RELN: variants seen among roughly 807,000 people sequenced by gnomAD.
RELN encodes reelin.
A neutral mutation model predicts 427.6 loss-of-function variants in RELN; 108 were observed. The observed-to-expected ratio is 0.25, with a 90% CI of 0.22 to 0.30. The LOEUF is 0.30. Among genes scored for constraint, RELN ranks in the 10% least tolerant of loss-of-function variants. RELN has a pLI of 1.00. For synonymous variants in RELN, 1,524 were observed against 1,513.4 expected (o/e 1.01, Z -0.16); for missense variants, 3,715 against 4,302.8 (o/e 0.86, Z 3.82).
intron 20 of RELN, among the ~76,000 whole-genome samples, chr7:103,612,665 G>A (rs777304168): frequency 3.4e-4 from 51 of 152,166 alleles, no homozygotes; most frequent in African/African-American, 1.2e-3. Context: ...GGAAATTTGC[G>A]ATTTACAATT....
At chr7:103,729,543 A>G (rs2115942643) in intron 6 of RELN, among the ~76,000 whole-genome samples, 2 of 152,314 alleles carry the variant, frequency 1.3e-5, no homozygotes, top group South Asian at 4.1e-4. Flanking sequence ...AATAAATTTG[A>G]TACAGAATTT....
intron 2 of RELN, among the ~76,000 whole-genome samples, chr7:103,849,830 A>G (rs914048984): frequency 1.3e-5 from 2 of 152,168 alleles, no homozygotes; most frequent in Non-Finnish European, 2.9e-5. Flanking sequence ...AGCCTAAAAT[A>G]TTTACTATCT....
At chr7:103,619,086 G>T (rs962527641) in intron 20 of RELN, among the ~76,000 whole-genome samples, 3 of 151,656 alleles carry the variant, frequency 2.0e-5, no homozygotes, top group Non-Finnish European at 4.4e-5. Context: ...TCCAGCCTGG[G>T]CGACAGAGTG....
At chr7:103,617,751 A>G (rs1832116992) in intron 20 of RELN, among the ~76,000 whole-genome samples, 1 of 151,962 alleles carries the variant, frequency 6.6e-6, no homozygotes, top group Non-Finnish European at 1.5e-5. Flanking sequence ...TCATTTTGAA[A>G]TTTGTTCCCT....
rs959121050 is a variant in RELN, at chr7:103,785,133, A to C, written c.474-8506T>G. On this transcript the variant is annotated intron_variant, in intron 3 of 64. Coordinates refer to ENST00000428762, the MANE Select transcript of RELN (RefSeq NM_005045.4). ...ATTATTACAATACGTTTCATCATTT[A>C]ACATCTTCCAGAGTATCCTTAAACT... is the stretch of plus-strand genomic sequence containing the variant. Among the ~76,000 whole-genome samples, 6 of 152,298 alleles carry C rather than the reference A, an allele frequency of 3.9e-5. No homozygotes were observed. In the East Asian group the frequency reaches 1.2e-3, roughly 29 times the overall value.
chr7:103,493,676 A>G (rs1047400972), intron 57 of RELN, among the ~76,000 whole-genome samples: 14 of 152,184 alleles, frequency 9.2e-5, no homozygotes, highest in African/African-American at 3.1e-4. Flanking sequence ...GAGAAAAGCC[A>G]TAAGAAGATA....
intron 60 of RELN, 80 bp from the exon 61 acceptor site, chr7:103,486,496 G>C: frequency 6.4e-6 from 7 of 1,090,440 alleles, no homozygotes; most frequent in Non-Finnish European, 9.7e-6. Flanking sequence ...TTCAAGTTCA[G>C]GTTTAAGTAG....
At chr7:103,531,520 A>T (rs1382389466) in intron 46 of RELN, among the ~76,000 whole-genome samples, 2 of 152,154 alleles carry the variant, frequency 1.3e-5, no homozygotes, top group African/African-American at 2.4e-5. Context: ...GCATCCGTTC[A>T]GTTTTGCAAC....
intron 3 of RELN, among the ~76,000 whole-genome samples, chr7:103,789,286 A>G (rs1393020846): frequency 6.6e-6 from 1 of 152,174 alleles, no homozygotes; most frequent in Non-Finnish European, 1.5e-5. Context: ...ATGGGCAAAG[A>G]CTTCATGACT....
chr7:103,590,949 T>C (rs1025312649), intron 27 of RELN, among the ~76,000 whole-genome samples: 2 of 152,174 alleles, frequency 1.3e-5, no homozygotes, highest in Non-Finnish European at 2.9e-5. Flanking sequence ...CCAGATAAAT[T>C]CCTGAGAGTA....
intron 37 of RELN, 99 bp downstream of exon 37, chr7:103,557,866 A>G (rs1830559142): frequency 1.4e-6 from 1 of 697,726 alleles, no homozygotes; most frequent in African/African-American, 1.8e-5. Context: ...GCCCTTCCAT[A>G]CAACAAAACT....
chr7:103,770,058 G>C (rs1482774932), intron 4 of RELN, among the ~76,000 whole-genome samples: 1 of 149,908 alleles, frequency 6.7e-6, no homozygotes, highest in Non-Finnish European at 1.5e-5. Context: ...ACCAAATACA[G>C]CACAAATCTT....
intron 1 of RELN, among the ~76,000 whole-genome samples, chr7:103,982,388 C>T (rs1797008787): frequency 6.6e-6 from 1 of 151,948 alleles, no homozygotes; most frequent in Non-Finnish European, 1.5e-5. Flanking sequence ...GAGCTTGATA[C>T]AAGAATTATG....
intron 63 of RELN, 127 bp downstream of exon 63, chr7:103,482,746 A>G (rs1238260885): frequency 6.5e-7 from 1 of 1,548,940 alleles, no homozygotes; most frequent in South Asian, 1.2e-5. Flanking sequence ...AAAAGAGTGT[A>G]AGCCAAAGTG....
In RELN at chr7:103,953,805, G is replaced by A. The variant is rs1027134005; in HGVS notation, c.226+35326C>T. Among the ~76,000 whole-genome samples the A allele has an allele frequency of 2.0e-5, 3 of 151,800 alleles. No homozygotes were observed. Among genetic ancestry groups the A allele is most frequent in the Admixed American group, 6.6e-5 (1 of 15,212 alleles). On this transcript the variant is annotated intron_variant, in intron 1 of 64. Coordinates refer to ENST00000428762, the MANE Select transcript of RELN (RefSeq NM_005045.4). The surrounding 1 kb of genome is among the most constrained non-coding windows in gnomAD (Gnocchi z 4.3). ...AAATTATCCAGGTGTGGTGGCACACGCCTATAATCCCAACTACTCGGGAGA... is the reference window on the plus strand; with the variant it reads ...AAATTATCCAGGTGTGGTGGCACACACCTATAATCCCAACTACTCGGGAGA...
At chr7:103,692,282 G>C (rs990988152) in intron 10 of RELN, among the ~76,000 whole-genome samples, 4 of 152,122 alleles carry the variant, frequency 2.6e-5, no homozygotes, top group Admixed American at 2.6e-4. Context: ...TGCATGATCT[G>C]CCTGAGAGAT....
chr7:103,972,894 ATG>A lies in RELN; in HGVS notation c.226+16235_226+16236del, dbSNP rs34930399. ...TGCTAATGTATGTGGGCATATGATT[ATG>A]TGTGTGTGTGTGTGTGTGTGTGTGC... On this transcript the variant is annotated intron_variant, in intron 1 of 64. Transcript: ENST00000428762. Among the ~76,000 whole-genome samples, 687 of 149,216 alleles carry A rather than the reference ATG, an allele frequency of 4.6e-3. 1 individual carries two copies. Among genetic ancestry groups the A allele is most frequent in the African/African-American group, 0.014 (555 of 40,372 alleles).
intron 36 of RELN, among the ~76,000 whole-genome samples, chr7:103,560,745 T>C (rs1428338034): frequency 2.6e-5 from 4 of 152,206 alleles, no homozygotes; most frequent in African/African-American, 4.8e-5. Flanking sequence ...TCAGGCCCTA[T>C]GCATTTCTTT....
chr7:103,755,347 G>C (rs28481273), intron 4 of RELN, among the ~76,000 whole-genome samples: 7,527 of 151,946 alleles, frequency 0.05, 646 homozygotes, highest in African/African-American at 0.17. Flanking sequence ...AGTGGCTCAC[G>C]CCTGTAATCC....
Sources: gnomAD v4.1 joint callset for allele counts (sites outside exome capture counted in the v4.1 genomes callset) on GRCh38, gnomAD v4.1.1 for gene constraint, Gnocchi (gnomAD v3.1) non-coding constraint, MANE v1.5 for transcripts, NCBI Gene and HGNC (gene_info 2026-07-23, HGNC 2026-07-21) for gene names.